The following PHLDA1 variants were observed in gnomAD, a reference collection of about 807,000 sequenced individuals.
PHLDA1 encodes pleckstrin homology like domain family A member 1, also known as pleckstrin homology-like domain family A member 1.
Under a neutral mutation model 33.8 loss-of-function variants are expected in PHLDA1, and 28 were observed. The ratio of observed to expected loss-of-function variants is 0.83; its 90% CI spans 0.61 to 1.14. The LOEUF is 1.14. Among genes scored for constraint, PHLDA1 ranks in the 50% most tolerant of loss-of-function variants. The pLI is 0.00. For synonymous variants in PHLDA1, 271 were observed against 243.6 expected (o/e 1.11, Z -1.05); for missense variants, 595 against 548.6 (o/e 1.08, Z -0.84).
exon 1 of PHLDA1, chr12:76,030,886 G>A: frequency 1.2e-6 from 2 of 1,612,584 alleles, no homozygotes; most frequent in Non-Finnish European, 1.7e-6. Flanking sequence ...ATGGCCTGAC[G>A]ATTCTTGTAC....
At position 76,031,081 on chromosome 12, in the gene PHLDA1, C is replaced by T; in HGVS notation, c.661G>A (p.Ala221Thr). The stretch of plus-strand genomic sequence containing the variant: ...AGCTTGACCGGCGGCTCGAGGCTGG[C>T]GACAGCGGGGCCACTGGGTTGGGAC... The change falls in exon 1 of 2, where the codon GCC becomes ACC. Residue 221 changes from alanine to threonine, a missense_variant. By Grantham distance (58) the Ala-to-Thr change is moderately conservative. Coordinates refer to ENST00000266671, the Ensembl canonical transcript of PHLDA1. The surrounding 1 kb of genome is among the most constrained non-coding windows in gnomAD (Gnocchi z 5.4). 1 of 1,609,804 alleles carries T rather than the reference C, an allele frequency of 6.2e-7. No individual in the cohort carries two copies.
exon 1 of PHLDA1, chr12:76,030,637 G>T: frequency 6.8e-7 from 1 of 1,473,436 alleles, no homozygotes; most frequent in Non-Finnish European, 9.5e-7. Context: ...GGGTGCGGGT[G>T]AGGGTGTGGG....
Position 76,031,547 on chromosome 12 carries a change from C to T in PHLDA1, c.195G>A (p.Arg65=). The T allele has an allele frequency of 6.5e-7, 1 of 1,548,786 alleles. No individual in the cohort carries two copies. Among genetic ancestry groups the T allele is most frequent in the East Asian group, 2.4e-5 (1 of 41,060 alleles). ...TGATGCGCCACAAGGTCCCGGAGCTCCGAGCTGCCGGGCCTCTGCCGTCCT... is the reference window on the plus strand; with the variant it reads ...TGATGCGCCACAAGGTCCCGGAGCTTCGAGCTGCCGGGCCTCTGCCGTCCT... Residue 65 remains arginine, a synonymous_variant, in exon 1 of 2, where the codon CGG becomes CGA. Transcript: ENST00000266671. The surrounding 1 kb of genome is among the most constrained non-coding windows in gnomAD (Gnocchi z 5.4).
In PHLDA1 at chr12:76,031,216, C is replaced by T. The variant is rs920054679; in HGVS notation, c.526G>A (p.Glu176Lys). Residue 176 changes from glutamate to lysine, a missense_variant, in exon 1 of 2, where the codon GAG (glutamate) becomes AAG (lysine). Glu to Lys is a moderately conservative substitution (Grantham distance 56). This residue lies in a region of PHLDA1 where 328 missense variants were observed against 295.7 expected (regional missense o/e 1.11). Coordinates refer to ENST00000266671, the Ensembl canonical transcript of PHLDA1. The surrounding 1 kb of genome is among the most constrained non-coding windows in gnomAD (Gnocchi z 5.4). ...GGCGGGATAAGCAGCAGCCCTTCCTCGGTGAGGATGCAACACTTTTTCTTC... is the reference window on the plus strand; with the variant it reads ...GGCGGGATAAGCAGCAGCCCTTCCTTGGTGAGGATGCAACACTTTTTCTTC... The T allele has an allele frequency of 2.5e-6, 4 of 1,613,598 alleles. No homozygotes were observed. The highest frequency in any genetic ancestry group is 8.5e-7 in the Non-Finnish European group (1 of 1,179,854).
At position 76,029,512 on chromosome 12, in the gene PHLDA1, C is replaced by T. The variant is rs184016812; in HGVS notation, c.*607G>A. 3.2e-4 allele frequency: 48 copies of T among 152,314 alleles called. 2 individuals carry two copies. In the East Asian group the frequency reaches 6.4e-3, roughly 20 times the overall value. 9.4% of individuals were successfully genotyped at this position (152,314 alleles called of 1,614,324 possible). On this transcript the variant is annotated 3_prime_UTR_variant, in exon 2 of 2. Coordinates refer to ENST00000266671, the Ensembl canonical transcript of PHLDA1. Reference sequence around the variant, plus strand: ...CATTTTTAACTTTTAGCTTTTTAAACTTCTAGACAAACTATATGTTTAAGC... The same window carrying T: ...CATTTTTAACTTTTAGCTTTTTAAATTTCTAGACAAACTATATGTTTAAGC...
In PHLDA1 at chr12:76,031,202, C is replaced by G; in HGVS notation, c.540G>C (p.Leu180=). The change falls in exon 1 of 2, where the codon CTG becomes CTC. Residue 180 remains leucine, a synonymous_variant. Coordinates refer to ENST00000266671, the Ensembl canonical transcript of PHLDA1. This position sits in a 1 kb window ranked among gnomAD's most constrained non-coding sequence, Gnocchi z 5.4. ...GTTGCAGCTGCTTGGGCGGGATAAG[C>G]AGCAGCCCTTCCTCGGTGAGGATGC... The G allele has an allele frequency of 6.2e-7, 1 of 1,613,420 alleles. No individual in the cohort carries two copies. The highest frequency in any genetic ancestry group is 8.5e-7 in the Non-Finnish European group (1 of 1,179,830).
At chr12:76,030,334 C>CA (rs1870864043) in intron 1 of PHLDA1, among the ~76,000 whole-genome samples, 176 bp downstream of exon 1, 1 of 152,142 alleles carries the variant, frequency 6.6e-6, no homozygotes, top group Non-Finnish European at 1.5e-5. Flanking sequence ...CCAGCCTCCC[C>CA]TCTCTGCCCA....
exon 1 of PHLDA1, chr12:76,030,859 T>C: frequency 5.0e-6 from 8 of 1,606,314 alleles, no homozygotes; most frequent in Non-Finnish European, 6.8e-6. Flanking sequence ...TTCTGCCGCG[T>C]GGATTTGACC....
exon 2 of PHLDA1, chr12:76,027,928 C>CT (rs1215645896): frequency 6.6e-6 from 1 of 151,220 alleles, no homozygotes; most frequent in African/African-American, 2.4e-5. Flanking sequence ...ATACAAATGC[C>CT]TTTTTTAAAA....
exon 1 of PHLDA1, chr12:76,030,942 G>A (rs1182956565): frequency 2.5e-6 from 4 of 1,613,836 alleles, no homozygotes; most frequent in South Asian, 2.2e-5. Context: ...CTGGTCTTGC[G>A]GGCACCGAAA....
chr12:76,031,610 C>A lies in PHLDA1; in HGVS notation c.132G>T (p.Glu44Asp). 2.5e-6 allele frequency: 4 copies of A among 1,571,942 alleles called. No homozygotes were observed. The highest frequency in any genetic ancestry group is 3.4e-6 in the Non-Finnish European group (4 of 1,161,434). ...CACTGAAGGGCACTGGCCGGGCCCC[C>A]TCGCGGCGCTTTTGAATGGGCCATC... Residue 44 changes from glutamate to aspartate, a missense_variant, in exon 1 of 2, where the codon GAG becomes GAT. Transcript: ENST00000266671. The surrounding 1 kb of genome is among the most constrained non-coding windows in gnomAD (Gnocchi z 5.4).
chr12:76,028,305 G>A (rs1028712517), exon 2 of PHLDA1: 2 of 151,912 alleles, frequency 1.3e-5, no homozygotes, highest in African/African-American at 4.8e-5. Context: ...TTAAATGTTG[G>A]CAGCATATTT....
exon 2 of PHLDA1, chr12:76,028,672 T>C (rs1870827111): frequency 1.3e-5 from 2 of 152,578 alleles, no homozygotes; most frequent in South Asian, 2.1e-4. Flanking sequence ...GCCATGCAAA[T>C]AGGAAGTGAT....
chr12:76,030,632 CGGGTGA>C (rs750164236), exon 1 of PHLDA1: 5 of 1,504,818 alleles, frequency 3.3e-6, no homozygotes, highest in African/African-American at 2.8e-5. Context: ...GATGCGGGTG[CGGGTGA>C]GGGTGTGGGT....
chr12:76,030,769 G>C (rs1339068791), exon 1 of PHLDA1: 7 of 1,402,866 alleles, frequency 5.0e-6, no homozygotes, highest in African/African-American at 2.9e-5. Flanking sequence ...TGCGGCTGAG[G>C]CTGAGGCTGG....
exon 1 of PHLDA1, chr12:76,030,512 T>C: frequency 1.2e-6 from 2 of 1,608,052 alleles, no homozygotes; most frequent in Non-Finnish European, 1.7e-6. Context: ...GACCTTACCT[T>C]GTCTTGCCCG....
chr12:76,028,226 G>T (rs746007546), exon 2 of PHLDA1: 6 of 148,924 alleles, frequency 4.0e-5, no homozygotes, highest in Non-Finnish European at 7.4e-5. Context: ...GTACACACAT[G>T]TTCTCATATA....
exon 1 of PHLDA1, chr12:76,030,809 C>T (rs1870882521): frequency 2.0e-6 from 3 of 1,538,396 alleles, no homozygotes; most frequent in East Asian, 4.8e-5. Context: ...GCTGCGGCTG[C>T]GGCTGCGAGG....
In PHLDA1 at chr12:76,031,163, CTGCTGCTGCTGGTGT is replaced by C; in HGVS notation, c.564_578del (p.His189_Gln193del). On this transcript the variant is annotated inframe_deletion, in exon 1 of 2. Coordinates refer to ENST00000266671, the Ensembl canonical transcript of PHLDA1. The surrounding 1 kb of genome is among the most constrained non-coding windows in gnomAD (Gnocchi z 5.4). Reference sequence around the variant, plus strand: ...GCTGCTGCTGCTGCTGCTGTTGCTGCTGCTGCTGCTGGTGTTGCAGCTGCTTGGGCGGGATAAGCA... The same window carrying C: ...GCTGCTGCTGCTGCTGCTGTTGCTGCTGCAGCTGCTTGGGCGGGATAAGCA... 1 of 1,275,652 alleles carries C rather than the reference CTGCTGCTGCTGGTGT, an allele frequency of 7.8e-7. No homozygotes were observed. The highest frequency in any genetic ancestry group is 1.1e-6 in the Non-Finnish European group (1 of 945,618). The allele number at this position is 1,275,652 out of a possible 1,614,324, so 79.0% of individuals were successfully genotyped here. A position where few individuals can be genotyped will look rare whatever the true frequency, so the allele number is the denominator to read the frequency against.
Sources: gnomAD v4.1 joint callset for allele counts (sites outside exome capture counted in the v4.1 genomes callset) on GRCh38, gnomAD v4.1.1 for gene constraint, gnomAD v4.1.1 regional missense constraint, Gnocchi (gnomAD v3.1) non-coding constraint, MANE v1.5 for transcripts, NCBI Gene and HGNC (gene_info 2026-07-23, HGNC 2026-07-21) for gene names.